Variants in IFNAR2 observed in about 807,000 individuals in gnomAD.
IFNAR2 encodes interferon alpha/beta receptor 2.
Under a neutral mutation model 49.4 loss-of-function variants are expected in IFNAR2, and 30 were observed. The observed-to-expected ratio is 0.61, with a 90% confidence interval of 0.45 to 0.82. The LOEUF (loss-of-function observed/expected upper bound fraction) is 0.82. IFNAR2 is among the 40% of genes least tolerant of loss of function. The probability of loss-of-function intolerance (pLI) is 0.00; values close to 1 mark genes in which losing one functional copy is unlikely to be tolerated. For synonymous variants in IFNAR2, 224 were observed against 234.5 expected (o/e 0.96, Z 0.41); for missense variants, 600 against 622.7 (o/e 0.96, Z 0.39).
chr21:33,230,033 C>T lies in IFNAR2; in HGVS notation c.-267C>T, dbSNP rs532327478. 0.011 allele frequency: 11,282 copies of T among 985,550 alleles called. 68 individuals carry two copies. The highest frequency in any genetic ancestry group is 0.012 in the Non-Finnish European group (10,355 of 829,936). 61.1% of individuals were successfully genotyped at this position (985,550 alleles called of 1,614,324 possible). ...AATCCCGCCGGCGAGCCGAACAGTT[C>T]CCCGAGCGCAGCCCGCGGACCACCA... On this transcript the variant is annotated 5_prime_UTR_variant, in exon 1 of 9. Coordinates refer to ENST00000342136, the MANE Select transcript of IFNAR2 (RefSeq NM_001289125.3). The surrounding 1 kb of genome is among the most constrained non-coding windows in gnomAD (Gnocchi z 5.5).
rs1453084175 is a variant in IFNAR2 at position 33,246,808 on chromosome 21, G to C, written c.312G>C (p.Glu104Asp). Residue 104 changes from glutamate to aspartate, a missense_variant, in exon 5 of 9, where the codon GAG becomes GAC. Physicochemically the swap from Glu to Asp is conservative, Grantham distance 45. Coordinates refer to ENST00000342136, the MANE Select transcript of IFNAR2 (RefSeq NM_001289125.3). ...CAGATGAGTGGAGAAGCACACACGA[G>C]GCCTATGTCACCGTCCTAGAAGGAT... is the stretch of plus-strand genomic sequence containing the variant. ...DLTDEWRSTH[E>D]AYVTVLEGFS... The C allele has an allele frequency of 6.2e-7, 1 of 1,613,912 alleles. No homozygotes were observed. The highest frequency in any genetic ancestry group is 1.3e-5 in the African/African-American group (1 of 74,910).
chr21:33,245,128 G>A (rs1987301711), intron 4 of IFNAR2, 54 bp downstream of exon 4: 2 of 1,298,152 alleles, frequency 1.5e-6, no homozygotes, highest in Admixed American at 1.7e-5. Flanking sequence ...TCTGTTATAT[G>A]GGGAGAGGTG....
chr21:33,248,688 CTGTT>C lies in IFNAR2; in HGVS notation c.395-19_395-16del. 1.3e-6 allele frequency: 2 copies of C among 1,586,890 alleles called. No homozygotes were observed. Among genetic ancestry groups the C allele is most frequent in the Non-Finnish European group, 1.7e-6 (2 of 1,167,438 alleles). ...TATGGTCTCTGTGACATATTCCTGTCTGTTTTTGTTTTTTGCACAGTGTCTTTTG... is the reference window on the plus strand; with the variant it reads ...TATGGTCTCTGTGACATATTCCTGTCTTTGTTTTTTGCACAGTGTCTTTTG... On this transcript the variant is annotated splice_polypyrimidine_tract_variant and intron_variant, in intron 5 of 8. Transcript: ENST00000342136.
Position 33,264,680 on chromosome 21 carries a change from G to T in IFNAR2, c.*1180G>T, listed in dbSNP as rs17860247. The T allele has an allele frequency of 6.6e-6, 1 of 152,108 alleles. No individual in the cohort carries two copies. Among genetic ancestry groups the T allele is most frequent in the Non-Finnish European group, 1.5e-5 (1 of 68,048 alleles). 9.4% of individuals were successfully genotyped at this position (152,108 alleles called of 1,614,324 possible). On this transcript the variant is annotated 3_prime_UTR_variant, in exon 9 of 9. Coordinates refer to ENST00000342136, the MANE Select transcript of IFNAR2 (RefSeq NM_001289125.3). ...GCCTGTGGATCTAGGCCGGGTTGGG[G>T]GGGTGTGGGCGGGGGAAGGGAAGTC...
intron 1 of IFNAR2, among the ~76,000 whole-genome samples, chr21:33,238,061 A>C (rs527554033): frequency 1.3e-5 from 2 of 152,286 alleles, no homozygotes; most frequent in East Asian, 1.9e-4. Context: ...CATAACTCAC[A>C]ATCTTCCTGC....
intron 1 of IFNAR2, among the ~76,000 whole-genome samples, chr21:33,232,414 G>A (rs1251065929): frequency 3.3e-5 from 5 of 152,036 alleles, no homozygotes; most frequent in Admixed American, 2.0e-4. Flanking sequence ...ATGGGGAGGA[G>A]TTCAGAGCCA....
At position 33,242,728 on chromosome 21, in the gene IFNAR2, C is replaced by CAAAAAAAAAAAAAAAAA. The variant is rs1182507309; in HGVS notation, c.55+755_55+771dup. 2.1e-4 allele frequency among the ~76,000 whole-genome samples: 10 copies of CAAAAAAAAAAAAAAAAA among 48,578 alleles called. 1 individual carries two copies. The highest frequency in any genetic ancestry group is 7.3e-4 in the African/African-American group (8 of 11,018). 31.9% of individuals were successfully genotyped at this position (48,578 alleles called of 152,430 possible). A position where few individuals can be genotyped will look rare whatever the true frequency, so the allele number is the denominator to read the frequency against. On this transcript the variant is annotated intron_variant, in intron 2 of 8. Coordinates refer to ENST00000342136, the MANE Select transcript of IFNAR2 (RefSeq NM_001289125.3). ...AGCCTGACAGAGCAAGACTCTGTCT[C>CAAAAAAAAAAAAAAAAA]AAAAAAAAAAAAAAAAAAAATCTCG... is the stretch of plus-strand genomic sequence containing the variant.
At chr21:33,260,757 T>C in intron 8 of IFNAR2, 30 bp downstream of exon 8, 1 of 1,391,262 alleles carries the variant, frequency 7.2e-7, no homozygotes, top group Non-Finnish European at 9.6e-7. Flanking sequence ...TGTTTTGTTT[T>C]TTCTATCTTT....
At chr21:33,236,203 C>T in intron 1 of IFNAR2, among the ~76,000 whole-genome samples, 1 of 152,110 alleles carries the variant, frequency 6.6e-6, no homozygotes, top group African/African-American at 2.4e-5. Context: ...CCCTCAGGCT[C>T]AGGGATACCG....
chr21:33,245,732 CT>C (rs1987349367), intron 4 of IFNAR2, among the ~76,000 whole-genome samples: 1 of 152,198 alleles, frequency 6.6e-6, no homozygotes, highest in Non-Finnish European at 1.5e-5. Context: ...TTGGAGTGTC[CT>C]TTTGATGGTT....
At chr21:33,238,777 A>T (rs1265316438) in intron 1 of IFNAR2, among the ~76,000 whole-genome samples, 3 of 150,726 alleles carry the variant, frequency 2.0e-5, no homozygotes, top group Admixed American at 2.0e-4. Flanking sequence ...TTCTACTTAA[A>T]AAAAAAAAAA....
chr21:33,261,004 CTGTGCATCTG>C (rs916679716), intron 8 of IFNAR2, among the ~76,000 whole-genome samples: 4 of 59,252 alleles, frequency 6.8e-5, no homozygotes, highest in Non-Finnish European at 1.3e-4. Flanking sequence ...GTAAGTGTAT[CTGTGCATCTG>C]TGCATTTTAT....
chr21:33,232,560 A>C (rs1244438743), intron 1 of IFNAR2, among the ~76,000 whole-genome samples: 1 of 152,154 alleles, frequency 6.6e-6, no homozygotes, highest in Non-Finnish European at 1.5e-5. Context: ...AGTTTAAAAA[A>C]AAATTTAAAA....
In IFNAR2 at chr21:33,262,800, A is replaced by G. The variant is rs763508005; in HGVS notation, c.848A>G (p.His283Arg). 8.9e-6 allele frequency: 14 copies of G among 1,576,706 alleles called. No homozygotes were observed. In the Admixed American group the frequency reaches 1.6e-4, roughly 18 times the overall value. Residue 283 changes from histidine (H) to arginine (R), a missense_variant, in exon 9 of 9, where the codon CAT becomes CGT. Coordinates refer to ENST00000342136, the MANE Select transcript of IFNAR2 (RefSeq NM_001289125.3). The stretch of plus-strand genomic sequence containing the variant: ...TTTTTTTTTTTTTTTAAGAATTTTC[A>G]TAACTTTTTAGCCTGGCCATTTCCT... ...RNSLPKVLNF[H>R]NFLAWPFPNL...
At chr21:33,248,999 A>T (rs971129862) in intron 6 of IFNAR2, 145 bp downstream of exon 6, 9 of 631,266 alleles carry the variant, frequency 1.4e-5, no homozygotes, top group Non-Finnish European at 2.5e-5. Flanking sequence ...GGAAGAAGTC[A>T]CTATGGTTCA....
At chr21:33,241,665 A>G (rs1306884993) in intron 1 of IFNAR2, among the ~76,000 whole-genome samples, 175 bp from the exon 2 acceptor site, 1 of 152,318 alleles carries the variant, frequency 6.6e-6, no homozygotes, top group East Asian at 1.9e-4. Context: ...GTTGAACCCA[A>G]CGACTGTTGC....
At chr21:33,252,102 ATCT>A in intron 6 of IFNAR2, 1 of 459,330 alleles carries the variant, frequency 2.2e-6, no homozygotes, top group Non-Finnish European at 4.5e-6. Context: ...CTATCTATCT[ATCT>A]ATCTATCTAT....
intron 6 of IFNAR2, chr21:33,252,252 A>G: frequency 6.6e-6 from 3 of 457,410 alleles, no homozygotes; most frequent in South Asian, 4.9e-5. Context: ...AATGGAGGTA[A>G]TGCCTATTTT....
At chr21:33,240,912 C>T (rs1294975175) in intron 1 of IFNAR2, among the ~76,000 whole-genome samples, 1 of 151,876 alleles carries the variant, frequency 6.6e-6, no homozygotes, top group Non-Finnish European at 1.5e-5. Flanking sequence ...GAACTGGAGG[C>T]CATTATCTTA....
Sources: gnomAD v4.1 joint callset for allele counts (sites outside exome capture counted in the v4.1 genomes callset) on GRCh38, gnomAD v4.1.1 for gene constraint, Gnocchi (gnomAD v3.1) non-coding constraint, MANE v1.5 for transcripts, NCBI Gene and HGNC (gene_info 2026-07-23, HGNC 2026-07-21) for gene names.